The following ATP2C2 variants were observed in gnomAD, a reference collection of about 807,000 sequenced individuals.
ATP2C2 encodes ATPase secretory pathway Ca2+ transporting 2, also known as calcium-transporting ATPase type 2C member 2.
A neutral mutation model predicts 110.8 loss-of-function variants in ATP2C2; 171 were observed. The ratio of observed to expected loss-of-function variants is 1.54; its 90% CI spans 1.36 to 1.75. ATP2C2 has a LOEUF of 1.75. ATP2C2 is among the 40% of genes most tolerant of loss of function. The pLI is 0.00. For missense variants in ATP2C2, 1,963 were observed against 1,235.0 expected (o/e 1.59, Z -8.84); for synonymous variants, 804 against 508.4 (o/e 1.58, Z -7.82).
At position 84,459,349 on chromosome 16, in the gene ATP2C2, T is replaced by C; in HGVS notation, c.2296T>C (p.Trp766Arg). The C allele has an allele frequency of 1.9e-6, 3 of 1,614,200 alleles. No individual in the cohort carries two copies. The highest frequency in any genetic ancestry group is 2.5e-6 in the Non-Finnish European group (3 of 1,180,032). Reference sequence around the variant, plus strand: ...CCCCCTCAACGCCATGCAGATCCTATGGATCAACATCATCATGGATGGGCC... The same window carrying C: ...CCCCCTCAACGCCATGCAGATCCTACGGATCAACATCATCATGGATGGGCC... Reference protein sequence around the residue: ...PSPLNAMQILWINIIMDGPPA... With the variant: ...PSPLNAMQILRINIIMDGPPA... The change falls in exon 23 of 27, where the codon TGG becomes CGG. Residue 766 changes from tryptophan to arginine, a missense_variant. Physicochemically the swap from Trp to Arg is moderately radical, Grantham distance 101. Coordinates refer to ENST00000262429, the MANE Select transcript of ATP2C2 (RefSeq NM_014861.4).
intron 9 of ATP2C2, 59 bp downstream of exon 9, chr16:84,422,756 G>A (rs1457767370): frequency 6.6e-7 from 1 of 1,515,362 alleles, no homozygotes; most frequent in Non-Finnish European, 9.0e-7. Context: ...ATTATTATAG[G>A]CAAATAATAC....
chr16:84,459,515 G>A (rs774300622), intron 23 of ATP2C2, 129 bp downstream of exon 23: 15 of 1,562,400 alleles, frequency 9.6e-6, no homozygotes, highest in Non-Finnish European at 1.3e-5. Flanking sequence ...GGAGTTCCCA[G>A]AAAACTGAAG....
intron 15 of ATP2C2, among the ~76,000 whole-genome samples, chr16:84,443,171 G>C (rs531980634): frequency 7.8e-4 from 118 of 152,230 alleles, no homozygotes; most frequent in African/African-American, 2.2e-3. Context: ...AACATGGGCT[G>C]GGAATGCAGG....
At chr16:84,459,475 G>C (rs437299) in intron 23 of ATP2C2, 89 bp downstream of exon 23, 1 of 1,598,446 alleles carries the variant, frequency 6.3e-7, no homozygotes, top group African/African-American at 1.3e-5. Flanking sequence ...CAAGGCTATA[G>C]GGATGAACAA....
At chr16:84,458,515 T>TA (rs11404721) in intron 21 of ATP2C2, among the ~76,000 whole-genome samples, 146,628 of 149,524 alleles carry the variant, frequency 0.98, 71,909 homozygotes, top group South Asian at 0.99. Flanking sequence ...AAAATTTAAA[T>TA]AAAAAAAAAG....
At chr16:84,440,735 A>T in intron 13 of ATP2C2, 122 bp from the exon 14 acceptor site, 1 of 714,282 alleles carries the variant, frequency 1.4e-6, no homozygotes, top group Non-Finnish European at 2.5e-6. Context: ...TTCATACTGA[A>T]AGCCCTGTCC....
chr16:84,425,687 G>C, intron 10 of ATP2C2, 48 bp from the exon 11 acceptor site: 1 of 1,584,900 alleles, frequency 6.3e-7, no homozygotes, highest in Non-Finnish European at 8.7e-7. Context: ...CCAGGCATCA[G>C]CGTGTGTAGT....
chr16:84,383,714 C>T (rs2151402010), intron 1 of ATP2C2, among the ~76,000 whole-genome samples: 1 of 129,932 alleles, frequency 7.7e-6, no homozygotes, highest in East Asian at 2.0e-4. Flanking sequence ...AGACATGATG[C>T]TGTATTATTT....
intron 11 of ATP2C2, among the ~76,000 whole-genome samples, chr16:84,436,495 T>A (rs953628825): frequency 1.3e-5 from 2 of 152,160 alleles, no homozygotes; most frequent in Admixed American, 6.5e-5. Context: ...GTTGCAGGTG[T>A]GGTGAGAGAC....
chr16:84,413,599 G>A (rs552283763), intron 6 of ATP2C2, among the ~76,000 whole-genome samples: 5 of 152,306 alleles, frequency 3.3e-5, no homozygotes, highest in South Asian at 4.1e-4. Context: ...CTTAAATATC[G>A]AGTCTTGGCC....
intron 15 of ATP2C2, among the ~76,000 whole-genome samples, chr16:84,444,162 CAAAAAAAAA>C (rs71151217): frequency 3.8e-5 from 4 of 104,554 alleles, no homozygotes; most frequent in Non-Finnish European, 7.6e-5. Flanking sequence ...GATCCTGCCT[CAAAAAAAAA>C]AAAAAAAAAA....
rs1219900782 is a variant in ATP2C2 at position 84,461,972 on chromosome 16, G to A, written c.2581-16G>A. Reference sequence around the variant, plus strand: ...GTGGACAGCACACAATCCCCCGTGTGACCTTCTCCCTGCAGACCAAGCTGA... The same window carrying A: ...GTGGACAGCACACAATCCCCCGTGTAACCTTCTCCCTGCAGACCAAGCTGA... On this transcript the variant is annotated splice_polypyrimidine_tract_variant and intron_variant, in intron 25 of 26. Coordinates refer to ENST00000262429, the MANE Select transcript of ATP2C2 (RefSeq NM_014861.4). The A allele has an allele frequency of 3.1e-6, 5 of 1,612,088 alleles. No homozygotes were observed. The Admixed American group carries it at 8.3e-5, about 27-fold the overall frequency.
At position 84,461,768 on chromosome 16, in the gene ATP2C2, T is replaced by A. The variant is rs764668723; in HGVS notation, c.2536T>A (p.Phe846Ile). The A allele has an allele frequency of 1.9e-6, 3 of 1,614,180 alleles. No individual in the cohort carries two copies. The highest frequency in any genetic ancestry group is 3.3e-4 in the Middle Eastern group (2 of 6,062). Residue 846 changes from phenylalanine (F) to isoleucine (I), a missense_variant, in exon 25 of 27, where the codon TTT becomes ATT. Phe to Ile is a conservative substitution (Grantham distance 21). Coordinates refer to ENST00000262429, the MANE Select transcript of ATP2C2 (RefSeq NM_014861.4). Reference protein sequence around the residue: ...PRTTTMTFTCFVFFDLFNALT... With the variant: ...PRTTTMTFTCIVFFDLFNALT... ...CACCACGACGATGACGTTCACTTGT[T>A]TTGTGTTTTTCGATCTCTTCAACGC...
chr16:84,413,477 C>T (rs1906571569), intron 6 of ATP2C2, among the ~76,000 whole-genome samples: 1 of 152,190 alleles, frequency 6.6e-6, no homozygotes, highest in African/African-American at 2.4e-5. Flanking sequence ...GTAGAAATGT[C>T]TGGGCTCGCT....
chr16:84,451,849 CAA>C (rs1263075646), intron 17 of ATP2C2, 70 bp from the exon 18 acceptor site: 8 of 1,438,724 alleles, frequency 5.6e-6, no homozygotes, highest in Admixed American at 4.2e-5. Context: ...AAAACAACAA[CAA>C]CAACCAACAA....
At chr16:84,420,684 T>G (rs1044061675) in intron 7 of ATP2C2, among the ~76,000 whole-genome samples, 6 of 152,260 alleles carry the variant, frequency 3.9e-5, no homozygotes, top group African/African-American at 9.6e-5. Flanking sequence ...CCCATAGATT[T>G]CCCTAATGTC....
chr16:84,435,755 A>G (rs573966631), intron 11 of ATP2C2, among the ~76,000 whole-genome samples: 2 of 152,116 alleles, frequency 1.3e-5, no homozygotes, highest in East Asian at 3.9e-4. Flanking sequence ...TGAGTCCAGG[A>G]GGTCAAGGCT....
intron 11 of ATP2C2, chr16:84,438,951 T>A: frequency 1.8e-6 from 1 of 545,336 alleles, no homozygotes; most frequent in Non-Finnish European, 3.2e-6. Flanking sequence ...ACAGGAGAGG[T>A]CCCTTCCCAA....
At chr16:84,435,898 G>A (rs777301124) in intron 11 of ATP2C2, among the ~76,000 whole-genome samples, 1 of 152,064 alleles carries the variant, frequency 6.6e-6, no homozygotes, top group Non-Finnish European at 1.5e-5. Context: ...GGAGGCCGAG[G>A]CAGGTGGATC....
Sources: gnomAD v4.1 joint callset for allele counts (sites outside exome capture counted in the v4.1 genomes callset) on GRCh38, gnomAD v4.1.1 for gene constraint, MANE v1.5 for transcripts, NCBI Gene and HGNC (gene_info 2026-07-23, HGNC 2026-07-21) for gene names.